Variants in SPOP observed in about 807,000 individuals in gnomAD.
SPOP encodes the protein speckle-type POZ protein.
A neutral mutation model predicts 45.6 loss-of-function variants in SPOP; 11 were observed. The observed-to-expected ratio is 0.24, with a 90% CI of 0.15 to 0.40. SPOP has a LOEUF of 0.40. Ranked by LOEUF, SPOP falls within the 10% of genes least tolerant of loss-of-function variation. The pLI is 1.00. For missense variants in SPOP, 152 were observed against 465.6 expected (o/e 0.33, Z 6.20); for synonymous variants, 166 against 166.3 (o/e 1.00, Z 0.01).
intron 1 of SPOP, among the ~76,000 whole-genome samples, chr17:49,669,807 C>T (rs1233387938): frequency 6.7e-6 from 1 of 148,238 alleles, no homozygotes; most frequent in Non-Finnish European, 1.5e-5. Flanking sequence ...AAAAGATGTT[C>T]ACTGAAAAAC....
chr17:49,624,523 C>G (rs1337370169), intron 1 of SPOP, among the ~76,000 whole-genome samples: 1 of 152,156 alleles, frequency 6.6e-6, no homozygotes, highest in Non-Finnish European at 1.5e-5. Context: ...GGCTGCAGCA[C>G]AGTGGCGCAA....
chr17:49,607,537 G>A (rs917805760), intron 7 of SPOP, among the ~76,000 whole-genome samples, 165 bp from the exon 8 acceptor site: 5 of 152,034 alleles, frequency 3.3e-5, no homozygotes, highest in African/African-American at 9.7e-5. Flanking sequence ...TAGCCTTTTC[G>A]TCCATCACAT....
At chr17:49,609,110 T>C (rs1452084976) in intron 6 of SPOP, among the ~76,000 whole-genome samples, 2 of 152,144 alleles carry the variant, frequency 1.3e-5, no homozygotes, top group Non-Finnish European at 2.9e-5. Context: ...GGTTTTACCA[T>C]GTTGGCCAGG....
At chr17:49,614,819 GT>G (rs2072048403) in intron 5 of SPOP, among the ~76,000 whole-genome samples, 1 of 150,506 alleles carries the variant, frequency 6.6e-6, no homozygotes. Flanking sequence ...GTGTGTGTGT[GT>G]GTGTGTGTGT....
rs1280919140 is a variant in SPOP at position 49,600,334 on chromosome 17, T to G, written c.*44A>C. On this transcript the variant is annotated 3_prime_UTR_variant, in exon 10 of 10. Coordinates refer to ENST00000504102, the MANE Select transcript of SPOP (RefSeq NM_001007228.2). This position sits in a 1 kb window ranked among gnomAD's most constrained non-coding sequence, Gnocchi z 4.2. ...GGTGGTCAGTGGCAGCAACAGTGGC[T>G]GCTGCTTCTGGAAATTAAACGGAGT... 1 of 1,611,258 alleles carries G rather than the reference T, an allele frequency of 6.2e-7. No individual in the cohort carries two copies. The highest frequency in any genetic ancestry group is 8.5e-7 in the Non-Finnish European group (1 of 1,178,690).
Position 49,619,017 on chromosome 17 carries a change from C to G in SPOP, c.444G>C (p.Gly148=), listed in dbSNP as rs2143261765. ...GGGTAAGCTTGTCATCAGGGAGAAG[C>G]CCGTTGGCCTCATCCAAAAGAAAAT... is the stretch of plus-strand genomic sequence containing the variant. The part of the protein sequence containing the change: ...RRDFLLDEAN[G]LLPDDKLTLF... Residue 148 remains glycine, a synonymous_variant, in exon 5 of 10, where the codon GGG becomes GGC. Transcript: ENST00000504102. The surrounding 1 kb of genome is among the most constrained non-coding windows in gnomAD (Gnocchi z 4.9). The G allele has an allele frequency of 1.2e-6, 2 of 1,614,084 alleles. No individual in the cohort carries two copies. The highest frequency in any genetic ancestry group is 1.7e-6 in the Non-Finnish European group (2 of 1,179,996).
chr17:49,647,989 AT>A (rs2072787271), intron 1 of SPOP, among the ~76,000 whole-genome samples: 1 of 152,196 alleles, frequency 6.6e-6, no homozygotes, highest in Non-Finnish European at 1.5e-5. Context: ...TTCTTTAATT[AT>A]ATTCATTTCA....
chr17:49,628,370 A>C (rs2143347880), intron 1 of SPOP, among the ~76,000 whole-genome samples: 1 of 152,310 alleles, frequency 6.6e-6, no homozygotes, highest in Non-Finnish European at 1.5e-5. Flanking sequence ...CTTAATTTCC[A>C]ACGAAGGTAG....
At chr17:49,671,879 G>A (rs564473832) in intron 1 of SPOP, among the ~76,000 whole-genome samples, 48 of 152,234 alleles carry the variant, frequency 3.2e-4, no homozygotes, top group African/African-American at 1.1e-3. Flanking sequence ...GGTGGCTCAC[G>A]CCTGTAATCG....
intron 1 of SPOP, among the ~76,000 whole-genome samples, chr17:49,665,645 T>TACACAC (rs1357014381): frequency 1.6e-5 from 1 of 62,402 alleles, no homozygotes; most frequent in Non-Finnish European, 3.0e-5. Flanking sequence ...TATATATATA[T>TACACAC]ACAGACACAC....
chr17:49,644,745 T>C (rs977092807), intron 1 of SPOP, among the ~76,000 whole-genome samples: 29 of 152,248 alleles, frequency 1.9e-4, no homozygotes, highest in African/African-American at 6.3e-4. Flanking sequence ...TATATACATA[T>C]GCACATATAT....
intron 1 of SPOP, among the ~76,000 whole-genome samples, chr17:49,642,735 AT>A (rs1449795052): frequency 6.6e-6 from 1 of 152,244 alleles, no homozygotes; most frequent in Non-Finnish European, 1.5e-5. Flanking sequence ...AGATAGGAAC[AT>A]TTCTCTGTAG....
intron 1 of SPOP, among the ~76,000 whole-genome samples, chr17:49,670,875 AT>A (rs1401162153): frequency 7.9e-5 from 12 of 152,322 alleles, no homozygotes; most frequent in African/African-American, 2.4e-4. Context: ...AATAAAAAAA[AT>A]ATGCGATTAC....
At position 49,622,020 on chromosome 17, in the gene SPOP, G is replaced by A; in HGVS notation, c.126C>T (p.Ser42=). 1.9e-6 allele frequency: 3 copies of A among 1,613,974 alleles called. No individual in the cohort carries two copies. Among genetic ancestry groups the A allele is most frequent in the East Asian group, 2.2e-5 (1 of 44,858 alleles). ...CTTCACCCATTTCCTCCCGGCAAAAGCTAAAGTTATTGATGGTCCACATGT... is the reference window on the plus strand; with the variant it reads ...CTTCACCCATTTCCTCCCGGCAAAAACTAAAGTTATTGATGGTCCACATGT... ...FSYMWTINNF[S]FCREEMGEVI... Residue 42 remains serine (S), a synonymous_variant, in exon 3 of 10, where the codon AGC becomes AGT. Coordinates refer to ENST00000504102, the MANE Select transcript of SPOP (RefSeq NM_001007228.2).
At position 49,662,013 on chromosome 17, in the gene SPOP, CAAAAAAAAA is replaced by C. The variant is rs11307294; in HGVS notation, c.-67+15911_-67+15919del. 2.8e-3 allele frequency among the ~76,000 whole-genome samples: 249 copies of C among 90,048 alleles called. 1 individual carries two copies. The highest frequency in any genetic ancestry group is 6.8e-3 in the African/African-American group (152 of 22,488). The allele number at this position is 90,048 out of a possible 152,430, so 59.1% of individuals were successfully genotyped here. On this transcript the variant is annotated intron_variant, in intron 1 of 9. Transcript: ENST00000504102. The stretch of plus-strand genomic sequence containing the variant: ...GGGCAACAAGAGTGAAACTCCGTCT[CAAAAAAAAA>C]AAAAAAAAAAAAAATTTAAATTTTT...
chr17:49,649,082 C>T (rs1037794734), intron 1 of SPOP, among the ~76,000 whole-genome samples: 37 of 152,174 alleles, frequency 2.4e-4, no homozygotes, highest in African/African-American at 8.7e-4. Flanking sequence ...TAAACAAAGC[C>T]ATACTTAATC....
chr17:49,613,548 T>C (rs1345565540), intron 5 of SPOP, among the ~76,000 whole-genome samples: 1 of 152,202 alleles, frequency 6.6e-6, no homozygotes, highest in Middle Eastern at 3.2e-3. Context: ...TAGATGCACA[T>C]GTGGTAATGA....
chr17:49,618,903 C>T, intron 5 of SPOP, 78 bp downstream of exon 5: 8 of 1,503,322 alleles, frequency 5.3e-6, no homozygotes, highest in Non-Finnish European at 7.1e-6. Flanking sequence ...ACTCTACATC[C>T]CTGATACAAT....
At chr17:49,678,104 T>A (rs1450726394), upstream of SPOP, 1 of 396,660 alleles carries the variant, frequency 2.5e-6, no homozygotes, top group Non-Finnish European at 4.4e-6. Context: ...CGTCATGGCG[T>A]CAGCACGTCG....
Sources: gnomAD v4.1 joint callset for allele counts (sites outside exome capture counted in the v4.1 genomes callset) on GRCh38, gnomAD v4.1.1 for gene constraint, Gnocchi (gnomAD v3.1) non-coding constraint, MANE v1.5 for transcripts, NCBI Gene and HGNC (gene_info 2026-07-23, HGNC 2026-07-21) for gene names.